Variants in VTI1A observed in about 807,000 individuals in gnomAD.
VTI1A encodes vesicle transport through interaction with t-SNAREs homolog 1A.
VTI1A carries 22 observed loss-of-function variants against 34.9 expected under a neutral mutation model. That is an observed-to-expected ratio of 0.63 (90% CI 0.45 to 0.90). The LOEUF (loss-of-function observed/expected upper bound fraction) is 0.90, where lower values mean the gene tolerates loss of function less well. VTI1A is among the 40% of genes least tolerant of loss of function. VTI1A has a pLI of 0.00. For missense variants in VTI1A, 268 were observed against 275.6 expected, an observed-to-expected ratio of 0.97 and a Z score of 0.20; for synonymous variants, 87 against 97.3, an observed-to-expected ratio of 0.89 and a Z score of 0.62.
chr10:112,719,624 G>A lies in VTI1A; in HGVS notation c.560+50626G>A, dbSNP rs184301114. ...TGCAATGGTGCGATCTCGGCTCACC[G>A]CAACCTCCGCGTCCCAGGTTCAAGC... On this transcript the variant is annotated intron_variant, in intron 7 of 7. Transcript: ENST00000393077. Among the ~76,000 whole-genome samples the A allele has an allele frequency of 4.1e-3, 616 of 151,428 alleles. 5 individuals carry two copies. The highest frequency in any genetic ancestry group is 0.014 in the African/African-American group (570 of 41,184).
rs1476920386 is a variant in VTI1A at position 112,472,561 on chromosome 10, G to A, written c.264+7904G>A. Among the ~76,000 whole-genome samples the A allele has an allele frequency of 2.0e-5, 3 of 149,316 alleles. No individual in the cohort carries two copies. In the East Asian group the frequency reaches 5.9e-4, roughly 29 times the overall value. ...TTTTTTTTTTTTTTAACTCGAGATA[G>A]ACTAAAGAAGTTCAAATGAGAAAGG... On this transcript the variant is annotated intron_variant, in intron 3 of 7. Coordinates refer to ENST00000393077, the MANE Select transcript of VTI1A (RefSeq NM_145206.4).
At chr10:112,747,680 A>G (rs986264025) in intron 7 of VTI1A, among the ~76,000 whole-genome samples, 3 of 152,160 alleles carry the variant, frequency 2.0e-5, no homozygotes, top group Non-Finnish European at 4.4e-5. Context: ...GAAAGGCTTG[A>G]TACATGCTTG....
rs747013811 is a variant in VTI1A, at chr10:112,587,219, C to T, written c.427+48889C>T. ...ACTTCCAAAAACATGCCCAAGGTTTCGTAGCTCTATAAATGTTCTGAGTAA... is the reference window on the plus strand; with the variant it reads ...ACTTCCAAAAACATGCCCAAGGTTTTGTAGCTCTATAAATGTTCTGAGTAA... On this transcript the variant is annotated intron_variant, in intron 5 of 7. Transcript: ENST00000393077. Among the ~76,000 whole-genome samples the T allele has an allele frequency of 3.9e-5, 6 of 152,030 alleles. 1 individual carries two copies. The highest frequency in any genetic ancestry group is 2.0e-4 in the Admixed American group (3 of 15,252).
At chr10:112,636,807 A>G (rs2134647829) in intron 5 of VTI1A, among the ~76,000 whole-genome samples, 1 of 152,224 alleles carries the variant, frequency 6.6e-6, no homozygotes, top group African/African-American at 2.4e-5. Flanking sequence ...TGCAGTCAGT[A>G]TAAATTAAAT....
intron 7 of VTI1A, among the ~76,000 whole-genome samples, chr10:112,695,032 A>G (rs886707077): frequency 3.3e-5 from 5 of 152,190 alleles, no homozygotes; most frequent in Admixed American, 6.5e-5. Context: ...AAAGGTATAA[A>G]TTCATCTTCC....
chr10:112,552,411 G>C (rs1217772491), intron 5 of VTI1A, among the ~76,000 whole-genome samples: 2 of 152,010 alleles, frequency 1.3e-5, no homozygotes, highest in Non-Finnish European at 2.9e-5. Flanking sequence ...TTGATGATTA[G>C]GACCTGTTCA....
the VTI1A span, among the ~76,000 whole-genome samples, chr10:112,835,941 G>A: frequency 6.6e-6 from 1 of 152,160 alleles, no homozygotes; most frequent in African/African-American, 2.4e-5. Context: ...CCCGCAAATG[G>A]ACATTATTAT....
At chr10:112,617,641 T>C (rs941197452) in intron 5 of VTI1A, among the ~76,000 whole-genome samples, 3 of 152,098 alleles carry the variant, frequency 2.0e-5, no homozygotes, top group Non-Finnish European at 2.9e-5. Flanking sequence ...GGCCTTGTAT[T>C]TTCAGGACAG....
At chr10:112,801,104 A>G (rs4918779) in intron 7 of VTI1A, among the ~76,000 whole-genome samples, 32,766 of 152,142 alleles carry the variant, frequency 0.22, 3,996 homozygotes, top group Non-Finnish European at 0.27. Context: ...TTGCTTCTCA[A>G]TAAAGGGTTA....
chr10:112,740,397 C>G (rs893299221), intron 7 of VTI1A, among the ~76,000 whole-genome samples: 13 of 152,220 alleles, frequency 8.5e-5, no homozygotes, highest in Non-Finnish European at 1.8e-4. Context: ...TCAAGCAAGT[C>G]TCCTGCCTCA....
chr10:112,505,525 ATAG>A (rs1849397735), intron 3 of VTI1A, among the ~76,000 whole-genome samples: 1 of 152,172 alleles, frequency 6.6e-6, no homozygotes, highest in Non-Finnish European at 1.5e-5. Context: ...ATGTTAAATA[ATAG>A]TAGTGTTAGT....
At position 112,661,110 on chromosome 10, in the gene VTI1A, A is replaced by G. The variant is rs139269623; in HGVS notation, c.428-7108A>G. 3.7e-3 allele frequency among the ~76,000 whole-genome samples: 568 copies of G among 152,156 alleles called. 6 individuals are homozygous for G. Among genetic ancestry groups the G allele is most frequent in the Non-Finnish European group, 5.5e-3 (374 of 67,982 alleles). On this transcript the variant is annotated intron_variant, in intron 5 of 7. Coordinates refer to ENST00000393077, the MANE Select transcript of VTI1A (RefSeq NM_145206.4). ...ATTCTCCCACCTCAGCCTCCCAAGT[A>G]GCTGGGACTACAGGCATGTGCCACC...
chr10:112,488,775 T>C (rs1427341462), intron 3 of VTI1A, among the ~76,000 whole-genome samples: 1 of 152,188 alleles, frequency 6.6e-6, no homozygotes, highest in East Asian at 1.9e-4. Context: ...GGAATGTCTA[T>C]GTATTTTGGG....
chr10:112,496,977 TAAA>T (rs1249416073), intron 3 of VTI1A, among the ~76,000 whole-genome samples: 2 of 152,112 alleles, frequency 1.3e-5, no homozygotes, highest in Admixed American at 6.5e-5. Flanking sequence ...GTAATGATGA[TAAA>T]AGAAGGGAAA....
intron 7 of VTI1A, chr10:112,737,045 A>G: frequency 4.4e-6 from 2 of 449,804 alleles, no homozygotes; most frequent in Non-Finnish European, 3.9e-6. Flanking sequence ...CCCATTACAT[A>G]GTGGACAATT....
rs190097554 is a variant in VTI1A, at chr10:112,457,694, A to G, written c.95-2830A>G. ...ACATAATATGATAGTTTTAAAATGG[A>G]TGAAATTGCCCAGGGACATAGACGA... On this transcript the variant is annotated intron_variant, in intron 1 of 7. Transcript: ENST00000393077. 4.6e-5 allele frequency among the ~76,000 whole-genome samples: 7 copies of G among 152,302 alleles called. No individual in the cohort carries two copies. The East Asian group carries it at 1.4e-3, about 29-fold the overall frequency.
chr10:112,684,433 A>ATC (rs1205932664), intron 7 of VTI1A, among the ~76,000 whole-genome samples: 3 of 134,694 alleles, frequency 2.2e-5, no homozygotes, highest in African/African-American at 8.9e-5. Flanking sequence ...ATAAATGCTC[A>ATC]TCTCTTTTTT....
At chr10:112,560,597 C>CTTTTTTT (rs1281971200) in intron 5 of VTI1A, among the ~76,000 whole-genome samples, 1 of 123,748 alleles carries the variant, frequency 8.1e-6, no homozygotes, top group Non-Finnish European at 1.7e-5. Context: ...AATAGAAGTG[C>CTTTTTTT]TTTTTTTTTT....
intron 1 of VTI1A, among the ~76,000 whole-genome samples, chr10:112,453,264 C>T (rs1404526346): frequency 6.6e-6 from 1 of 152,196 alleles, no homozygotes; most frequent in Non-Finnish European, 1.5e-5. Context: ...TGACTTATCA[C>T]TACTGATGTT....
Sources: allele counts gnomAD v4.1 joint callset (sites outside exome capture counted in the v4.1 genomes callset), GRCh38; gene constraint gnomAD v4.1.1; transcripts MANE v1.5; gene names NCBI Gene and HGNC (gene_info 2026-07-23, HGNC 2026-07-21).